The following ATP8B4 variants were observed in gnomAD, a reference collection of about 807,000 sequenced individuals.
The protein encoded by ATP8B4 is ATPase phospholipid transporting 8B4 (putative), also known as probable phospholipid-transporting ATPase IM.
ATP8B4 carries 133 observed loss-of-function variants against 145.6 expected under a neutral mutation model. That is an observed-to-expected ratio of 0.91 (90% CI 0.79 to 1.05). ATP8B4 has a LOEUF of 1.05. Ranked by LOEUF, ATP8B4 falls within the 50% of genes least tolerant of loss-of-function variation. The pLI, the probability that ATP8B4 is intolerant of heterozygous loss-of-function variation, is 0.00. For missense variants in ATP8B4, 1,458 were observed against 1,425.2 expected (o/e 1.02, Z -0.37); for synonymous variants, 507 against 492.9 (o/e 1.03, Z -0.38).
chr15:50,068,437 G>A (rs1007224067), intron 3 of ATP8B4, among the ~76,000 whole-genome samples: 1 of 152,192 alleles, frequency 6.6e-6, no homozygotes, highest in African/African-American at 2.4e-5. Context: ...GGCATTTGCA[G>A]ATTCTAGGAA....
chr15:50,144,824 T>G (rs539592715), intron 1 of ATP8B4, among the ~76,000 whole-genome samples: 1 of 152,160 alleles, frequency 6.6e-6, no homozygotes, highest in African/African-American at 2.4e-5. Context: ...ATCTATGATT[T>G]CCTTCAGCAC....
chr15:50,117,971 G>C (rs2057203183), intron 1 of ATP8B4, among the ~76,000 whole-genome samples: 1 of 152,148 alleles, frequency 6.6e-6, no homozygotes, highest in Non-Finnish European at 1.5e-5. Context: ...AAGGTAGAGA[G>C]GGAGAATGGT....
chr15:50,054,782 TCAAAAAAAAAAAAAAAAAAAAAAAAAA>T (rs58637113), intron 3 of ATP8B4, among the ~76,000 whole-genome samples: 52 of 24,128 alleles, frequency 2.2e-3, no homozygotes, highest in Middle Eastern at 0.036. Context: ...AGACTCCGCC[TCAAAAAAAAAAAAAAAAAAAAAAAAAA>T]CAAAAAAAAA....
chr15:50,003,773 G>A (rs551630825), intron 7 of ATP8B4, among the ~76,000 whole-genome samples: 1 of 152,170 alleles, frequency 6.6e-6, no homozygotes, highest in South Asian at 2.1e-4. Flanking sequence ...TTGTACCCAG[G>A]GCTGCTTTTC....
At chr15:50,076,102 C>A (rs1389367560) in intron 2 of ATP8B4, among the ~76,000 whole-genome samples, 13 of 152,160 alleles carry the variant, frequency 8.5e-5, no homozygotes. Context: ...TCTAAAATTT[C>A]ACATTTATAT....
At chr15:49,902,303 A>G (rs1187922235) in intron 20 of ATP8B4, 2 of 152,182 alleles carry the variant, frequency 1.3e-5, no homozygotes, top group Non-Finnish European at 2.9e-5. Context: ...TGTGTAGAAA[A>G]TATTTATTAA....
chr15:49,917,245 A>C, intron 19 of ATP8B4: 1 of 512,236 alleles, frequency 2.0e-6, no homozygotes, highest in African/African-American at 1.9e-5. Flanking sequence ...TACTTGCTAA[A>C]CCCATGCACA....
chr15:50,099,958 C>T (rs2056240559), intron 2 of ATP8B4, among the ~76,000 whole-genome samples: 2 of 142,822 alleles, frequency 1.4e-5, no homozygotes, highest in Non-Finnish European at 3.0e-5. Context: ...TTGCTTGAAT[C>T]TGGGAGGCGG....
chr15:49,872,857 C>T (rs2033867959), intron 25 of ATP8B4, among the ~76,000 whole-genome samples: 2 of 152,062 alleles, frequency 1.3e-5, no homozygotes, highest in African/African-American at 4.8e-5. Context: ...AAATCTGAAT[C>T]AAATCTGTGG....
chr15:49,995,889 T>G (rs1393213487), intron 9 of ATP8B4, among the ~76,000 whole-genome samples: 1 of 152,118 alleles, frequency 6.6e-6, no homozygotes, highest in Non-Finnish European at 1.5e-5. Flanking sequence ...CCTATTATGG[T>G]GCCTAAAATC....
chr15:50,171,578 C>T (rs540385018), intron 1 of ATP8B4, among the ~76,000 whole-genome samples: 1 of 152,208 alleles, frequency 6.6e-6, no homozygotes, highest in African/African-American at 2.4e-5. Context: ...AAAGTTCATA[C>T]CCCTAAACAC....
chr15:49,920,633 G>A (rs1769552693), intron 17 of ATP8B4, among the ~76,000 whole-genome samples: 1 of 152,198 alleles, frequency 6.6e-6, no homozygotes, highest in South Asian at 2.1e-4. Flanking sequence ...AGGGGAGCAA[G>A]TCTTCCCCCT....
Position 50,044,682 on chromosome 15 carries a change from T to C in ATP8B4, c.212A>G (p.Glu71Gly), listed in dbSNP as rs2051584006. The C allele has an allele frequency of 1.2e-6, 2 of 1,612,210 alleles. No individual in the cohort carries two copies. The highest frequency in any genetic ancestry group is 1.7e-6 in the Non-Finnish European group (2 of 1,178,558). ...LCLLILQLIPEISSLTWFTTI... is the reference protein window; with the variant it reads ...LCLLILQLIPGISSLTWFTTI... The stretch of plus-strand genomic sequence containing the variant: ...GGTAAACCAGGTCAAGGAGGAAATT[T>C]CTGGAATTAGCTGAAACAAACATTC... The change falls in exon 5 of 28, where the codon GAA (glutamate) becomes GGA (glycine). Residue 71 changes from glutamate (E) to glycine (G), a missense_variant. By Grantham distance (98) the Glu-to-Gly change is moderately conservative (BLOSUM62 -2). Transcript: ENST00000284509.
At chr15:49,960,636 GA>G (rs1202969349) in intron 14 of ATP8B4, among the ~76,000 whole-genome samples, 3 of 152,000 alleles carry the variant, frequency 2.0e-5, no homozygotes, top group Non-Finnish European at 1.5e-5. Flanking sequence ...AGTGATGGAG[GA>G]AAAAGTGATA....
chr15:50,120,173 C>G (rs756254859), upstream of ATP8B4, among the ~76,000 whole-genome samples: 3 of 152,048 alleles, frequency 2.0e-5, no homozygotes, highest in Non-Finnish European at 2.9e-5. Context: ...GCAAGCTAAT[C>G]CCCTGCGCAC....
intron 16 of ATP8B4, among the ~76,000 whole-genome samples, chr15:49,924,394 A>T (rs549617739): frequency 1.1e-4 from 17 of 152,254 alleles, no homozygotes; most frequent in African/African-American, 4.1e-4. Flanking sequence ...CTTTGTCACA[A>T]CTTCATAATC....
chr15:50,062,248 C>T (rs1036389979), intron 3 of ATP8B4, among the ~76,000 whole-genome samples: 2 of 152,146 alleles, frequency 1.3e-5, no homozygotes, highest in Non-Finnish European at 2.9e-5. Flanking sequence ...CACCATCCCC[C>T]TTGGTACTGT....
In ATP8B4 at chr15:49,901,216, C is replaced by CCAAA; in HGVS notation, c.2161_2164dup (p.Gly722ValfsTer15). On this transcript the variant is annotated frameshift_variant, in exon 21 of 28. Coordinates refer to ENST00000284509, the MANE Select transcript of ATP8B4 (RefSeq NM_024837.4). LOFTEE classifies it high-confidence loss of function. ...GCCATTGGAAAAATTTCTGTTTTGT[C>CCAAA]CAAACAAATTTTGTTTTGCTTTCCT... 1 of 1,613,012 alleles carries CCAAA rather than the reference C, an allele frequency of 6.2e-7. No homozygotes were observed. The highest frequency in any genetic ancestry group is 8.5e-7 in the Non-Finnish European group (1 of 1,179,430).
chr15:49,941,841 C>T lies in ATP8B4; in HGVS notation c.1288-7659G>A, dbSNP rs545093224. Among the ~76,000 whole-genome samples, 12 of 152,170 alleles carry T rather than the reference C, an allele frequency of 7.9e-5. No individual in the cohort carries two copies. In the South Asian group the frequency reaches 2.1e-3, roughly 26 times the overall value. On this transcript the variant is annotated intron_variant, in intron 14 of 27. Transcript: ENST00000284509. ...TAAAGAAAATGTGGTATATATACAC[C>T]GTGGAATACTACTCAGCCATAAAAA...
Sources: gnomAD v4.1 joint callset for allele counts (sites outside exome capture counted in the v4.1 genomes callset) on GRCh38, gnomAD v4.1.1 for gene constraint, MANE v1.5 for transcripts, NCBI Gene and HGNC (gene_info 2026-07-23, HGNC 2026-07-21) for gene names.